The following C10orf90 variants were observed in gnomAD, a reference collection of about 807,000 sequenced individuals.
C10orf90 encodes the protein (E2-independent) E3 ubiquitin-conjugating enzyme FATS.
Under a neutral mutation model 62.5 loss-of-function variants are expected in C10orf90, and 56 were observed. The ratio of observed to expected loss-of-function variants is 0.90; its 90% confidence interval spans 0.72 to 1.12. The LOEUF (loss-of-function observed/expected upper bound fraction) is 1.12. Among genes scored for constraint, C10orf90 ranks in the 50% most tolerant of loss-of-function variants. The pLI is 0.00. For synonymous variants in C10orf90, 386 were observed against 340.4 expected (o/e 1.13, Z -1.47); for missense variants, 970 against 880.4 (o/e 1.10, Z -1.29).
At chr10:126,527,611 G>A (rs755426888) in intron 2 of C10orf90, among the ~76,000 whole-genome samples, 17 of 152,190 alleles carry the variant, frequency 1.1e-4, no homozygotes, top group Non-Finnish European at 2.1e-4. Flanking sequence ...ACATGGGTTT[G>A]CATCTAGCTT....
At chr10:126,646,771 T>C (rs1846181073) in intron 1 of C10orf90, 134 bp from the exon 2 acceptor site, 1 of 244,228 alleles carries the variant, frequency 4.1e-6, no homozygotes, top group Non-Finnish European at 8.2e-6. Flanking sequence ...CAGATACAGA[T>C]TGTAATGAGG....
intron 2 of C10orf90, among the ~76,000 whole-genome samples, chr10:126,535,561 T>C (rs1402762439): frequency 1.3e-5 from 2 of 151,290 alleles, no homozygotes; most frequent in Admixed American, 6.6e-5. Context: ...AGTTAATGAG[T>C]GCAGCACACC....
intron 2 of C10orf90, among the ~76,000 whole-genome samples, chr10:126,585,742 A>G (rs1479298403): frequency 6.6e-6 from 1 of 152,202 alleles, no homozygotes; most frequent in African/African-American, 2.4e-5. Context: ...AAGGCTAATT[A>G]GGGCCAGATA....
At chr10:126,625,530 T>C (rs1845725478) in intron 2 of C10orf90, among the ~76,000 whole-genome samples, 1 of 152,186 alleles carries the variant, frequency 6.6e-6, no homozygotes, top group Admixed American at 6.5e-5. Context: ...GGTGCACTCC[T>C]GCCCCCCTTC....
chr10:126,516,643 G>C (rs1424982002), intron 2 of C10orf90, among the ~76,000 whole-genome samples: 5 of 152,208 alleles, frequency 3.3e-5, no homozygotes, highest in African/African-American at 9.7e-5. Context: ...GGGAGGCGGA[G>C]GGACTGCCAT....
intron 2 of C10orf90, among the ~76,000 whole-genome samples, chr10:126,545,112 C>G (rs1591085018): frequency 1.3e-5 from 2 of 152,210 alleles, no homozygotes; most frequent in South Asian, 2.1e-4. Flanking sequence ...CGTAATGCAC[C>G]CCCGCTTCCC....
chr10:126,632,787 T>G (rs1435760963), intron 2 of C10orf90, among the ~76,000 whole-genome samples: 1 of 152,132 alleles, frequency 6.6e-6, no homozygotes, highest in Non-Finnish European at 1.5e-5. Context: ...ACTTATGCAT[T>G]TTCTCTTCTG....
intron 4 of C10orf90, among the ~76,000 whole-genome samples, chr10:126,499,046 G>A (rs766005244): frequency 2.6e-5 from 4 of 152,238 alleles, no homozygotes; most frequent in Admixed American, 6.5e-5. Flanking sequence ...TGCTAGACCA[G>A]AAGTCAGTAA....
chr10:126,600,603 G>T (rs1309395285), intron 2 of C10orf90, among the ~76,000 whole-genome samples: 1 of 152,152 alleles, frequency 6.6e-6, no homozygotes, highest in East Asian at 1.9e-4. Flanking sequence ...TCTCATTAAT[G>T]CTCTGAATTT....
intron 2 of C10orf90, among the ~76,000 whole-genome samples, chr10:126,568,697 C>T (rs1363826229): frequency 1.3e-5 from 2 of 152,144 alleles, no homozygotes; most frequent in Non-Finnish European, 2.9e-5. Flanking sequence ...AGCATTCTGC[C>T]TACACCAGAT....
chr10:126,560,683 C>A (rs1178438575), intron 2 of C10orf90, among the ~76,000 whole-genome samples: 1 of 152,154 alleles, frequency 6.6e-6, no homozygotes, highest in Non-Finnish European at 1.5e-5. Context: ...CAGCAAACGT[C>A]TTCTGAAAGG....
At chr10:126,545,295 C>T (rs987978179) in intron 2 of C10orf90, among the ~76,000 whole-genome samples, 27 of 152,262 alleles carry the variant, frequency 1.8e-4, no homozygotes, top group Non-Finnish European at 2.6e-4. Flanking sequence ...ACAAAATGTA[C>T]AAGCCACGAC....
chr10:126,453,010 C>T lies in C10orf90; in HGVS notation c.2188+6030G>A, dbSNP rs1564802027. On this transcript the variant is annotated intron_variant, in intron 7 of 9. Transcript: ENST00000488181. This position sits in a 1 kb window ranked among gnomAD's most constrained non-coding sequence, Gnocchi z 4.9. ...AAATCTTTATTACTGAGATAACTGC[C>T]ACCTCTGTCTCCTGTCTCCTGGGTC... Among the ~76,000 whole-genome samples the T allele has an allele frequency of 6.6e-6, 1 of 152,104 alleles. No homozygotes were observed. The highest frequency in any genetic ancestry group is 1.5e-5 in the Non-Finnish European group (1 of 68,018).
intron 2 of C10orf90, among the ~76,000 whole-genome samples, chr10:126,619,457 A>G (rs1186524633): frequency 1.3e-5 from 2 of 152,192 alleles, no homozygotes; most frequent in Admixed American, 1.3e-4. Flanking sequence ...AACTCTTGAC[A>G]ACGTCTACTT....
At chr10:126,440,443 C>T (rs1858231807) in intron 7 of C10orf90, among the ~76,000 whole-genome samples, 1 of 152,150 alleles carries the variant, frequency 6.6e-6, no homozygotes, top group Non-Finnish European at 1.5e-5. Context: ...AGCTGATGGT[C>T]CTTCCCTACC....
intron 2 of C10orf90, among the ~76,000 whole-genome samples, chr10:126,645,786 C>T (rs1846158640): frequency 6.6e-6 from 1 of 152,124 alleles, no homozygotes; most frequent in Non-Finnish European, 1.5e-5. Context: ...TGTGTGCGTA[C>T]ATGTATACAT....
rs1564874261 is a variant in C10orf90, at chr10:126,565,249, A to ATATTATATATTATGTAATATAATAT, written c.314-51311_314-51310insATATTATATTACATAATATATAATA. 7.7e-4 allele frequency among the ~76,000 whole-genome samples: 21 copies of ATATTATATATTATGTAATATAATAT among 27,346 alleles called. 2 individuals are homozygous for ATATTATATATTATGTAATATAATAT. Among genetic ancestry groups the ATATTATATATTATGTAATATAATAT allele is most frequent in the Non-Finnish European group, 1.3e-3 (18 of 13,916 alleles). The allele number at this position is 27,346 out of a possible 152,430, so 17.9% of individuals were successfully genotyped here. Reference sequence around the variant, plus strand: ...TTACATATTATGTAATATAATATTTATTATATTATATATTTATATTATATA... The same window carrying ATATTATATATTATGTAATATAATAT: ...TTACATATTATGTAATATAATATTTATATTATATATTATGTAATATAATATTTATATTATATATTTATATTATATA... On this transcript the variant is annotated intron_variant, in intron 2 of 9. Transcript: ENST00000488181.
rs143235832 is a variant in C10orf90, at chr10:126,656,559, C to T, written c.241-9922G>A. 3.6e-3 allele frequency among the ~76,000 whole-genome samples: 543 copies of T among 152,322 alleles called. 11 individuals are homozygous for T. The highest frequency in any genetic ancestry group is 1.1e-3 in the Non-Finnish European group (73 of 68,028). The stretch of plus-strand genomic sequence containing the variant: ...GAACATCATTTCTTTAATTAAGATG[C>T]TAGAAGTTGTAACCGAAATTTATCA... On this transcript the variant is annotated intron_variant, in intron 1 of 9. Coordinates refer to ENST00000488181, the MANE Select transcript of C10orf90 (RefSeq NM_001350921.2).
chr10:126,531,657 C>T (rs904343127), intron 2 of C10orf90, among the ~76,000 whole-genome samples: 1 of 152,072 alleles, frequency 6.6e-6, no homozygotes, highest in African/African-American at 2.4e-5. Context: ...ACAGACCTTG[C>T]TCTAACATTA....
Sources: allele counts gnomAD v4.1 joint callset (sites outside exome capture counted in the v4.1 genomes callset), GRCh38; gene constraint gnomAD v4.1.1; non-coding constraint Gnocchi (gnomAD v3.1); transcripts MANE v1.5; gene names NCBI Gene and HGNC (gene_info 2026-07-23, HGNC 2026-07-21).